Variants in CHRNB2 observed in about 807,000 individuals in gnomAD.
CHRNB2 encodes the protein neuronal acetylcholine receptor subunit beta-2.
Under a neutral mutation model 42.7 loss-of-function variants are expected in CHRNB2, and 33 were observed. The ratio of observed to expected loss-of-function variants is 0.77; its 90% CI spans 0.59 to 1.03. CHRNB2 has a LOEUF of 1.03. CHRNB2 is among the 50% of genes least tolerant of loss of function. The probability of loss-of-function intolerance (pLI) is 0.00; values close to 1 mark genes in which losing one functional copy is unlikely to be tolerated. For missense variants in CHRNB2, 603 were observed against 700.9 expected (o/e 0.86, Z 1.58); for synonymous variants, 325 against 292.9 (o/e 1.11, Z -1.12).
At position 154,575,906 on chromosome 1, in the gene CHRNB2, G is replaced by C; in HGVS notation, c.1483G>C (p.Asp495His). ...CACCACCACCACCTTCCTCCACTCA[G>C]ACCACTCAGCCCCCAGCTCCAAGTG... ...NYTTTTFLHS[D>H]HSAPSSK Residue 495 changes from aspartate (D) to histidine (H), a missense_variant, in exon 6 of 6, where the codon GAC becomes CAC. This residue lies in a region of CHRNB2 where 270 missense variants were observed against 248.3 expected (regional missense o/e 1.09). Coordinates refer to ENST00000368476, the MANE Select transcript of CHRNB2 (RefSeq NM_000748.3). 1 of 1,614,138 alleles carries C rather than the reference G, an allele frequency of 6.2e-7. No individual in the cohort carries two copies. Among genetic ancestry groups the C allele is most frequent in the Non-Finnish European group, 8.5e-7 (1 of 1,180,022 alleles).
intron 5 of CHRNB2, among the ~76,000 whole-genome samples, chr1:154,575,212 G>C (rs1446877057): frequency 2.0e-5 from 3 of 152,200 alleles, no homozygotes; most frequent in Non-Finnish European, 2.9e-5. Flanking sequence ...CCTTGTTTAG[G>C]AACTTGTAGC....
chr1:154,571,046 A>G lies in CHRNB2; in HGVS notation c.366-143A>G, dbSNP rs1265661574. On this transcript the variant is annotated intron_variant, in intron 4 of 5. Transcript: ENST00000368476. This position sits in a 1 kb window ranked among gnomAD's most constrained non-coding sequence, Gnocchi z 6.8. Reference sequence around the variant, plus strand: ...TTCTTGCTCAATTCCACCTCTCTATACTCCTGGATGGTTACTCTCAGATCT... The same window carrying G: ...TTCTTGCTCAATTCCACCTCTCTATGCTCCTGGATGGTTACTCTCAGATCT... 6 of 1,480,408 alleles carry G rather than the reference A, an allele frequency of 4.1e-6. No individual in the cohort carries two copies. In the Admixed American group the frequency reaches 5.2e-5, roughly 13 times the overall value. The allele number at this position is 1,480,408 out of a possible 1,614,324, so 91.7% of individuals were successfully genotyped here. A position where few individuals can be genotyped will look rare whatever the true frequency, so the allele number is the denominator to read the frequency against.
At chr1:154,570,480 G>T in intron 4 of CHRNB2, 113 bp downstream of exon 4, 1 of 723,046 alleles carries the variant, frequency 1.4e-6, no homozygotes, top group Non-Finnish European at 2.5e-6. Flanking sequence ...ACTTATAATA[G>T]ATATGTAGTC....
intron 3 of CHRNB2, 80 bp downstream of exon 3, chr1:154,569,916 A>G (rs1696132428): frequency 1.7e-5 from 26 of 1,533,938 alleles, no homozygotes; most frequent in Non-Finnish European, 2.3e-5. Context: ...TTTCTTTCTT[A>G]ATCTCTCAAA....
At position 154,569,656 on chromosome 1, in the gene CHRNB2, C is replaced by T. The variant is rs745641050; in HGVS notation, c.210+49C>T. ...TGCCCAGCTACTGAAATCAGCCCCGCCAAAATGTGTTAATGCTTGTGTGCT... is the reference window on the plus strand; with the variant it reads ...TGCCCAGCTACTGAAATCAGCCCCGTCAAAATGTGTTAATGCTTGTGTGCT... On this transcript the variant is annotated intron_variant, in intron 2 of 5. Coordinates refer to ENST00000368476, the MANE Select transcript of CHRNB2 (RefSeq NM_000748.3). 6.2e-6 allele frequency: 10 copies of T among 1,613,696 alleles called. No individual in the cohort carries two copies. The East Asian group carries it at 2.2e-4, about 36-fold the overall frequency.
intron 5 of CHRNB2, among the ~76,000 whole-genome samples, chr1:154,572,757 A>G (rs1696202232): frequency 6.6e-6 from 1 of 151,850 alleles, no homozygotes; most frequent in African/African-American, 2.4e-5. Flanking sequence ...GTCCCAGGGG[A>G]TGGCCTCCTG....
rs982906227 is a variant in CHRNB2, at chr1:154,572,077, G to T, written c.1254G>T (p.Glu418Asp). The T allele has an allele frequency of 6.5e-7, 1 of 1,535,762 alleles. No individual in the cohort carries two copies. Among genetic ancestry groups the T allele is most frequent in the Non-Finnish European group, 8.7e-7 (1 of 1,146,310 alleles). The change falls in exon 5 of 6, where the codon GAG becomes GAT. Residue 418 changes from glutamate (E) to aspartate (D), a missense_variant. Physicochemically the swap from Glu to Asp is conservative, Grantham distance 45. This residue lies in a region of CHRNB2 where 270 missense variants were observed against 248.3 expected (regional missense o/e 1.09). Coordinates refer to ENST00000368476, the MANE Select transcript of CHRNB2 (RefSeq NM_000748.3). Reference sequence around the variant, plus strand: ...TGGCGGGCCCCGGGCGCTCAGGGGAGCCGTGTGGCTGTGGCCTCCGGGAGG... The same window carrying T: ...TGGCGGGCCCCGGGCGCTCAGGGGATCCGTGTGGCTGTGGCCTCCGGGAGG... ...APVAGPGRSG[E>D]PCGCGLREAV...
chr1:154,571,465 G>C lies in CHRNB2; in HGVS notation c.642G>C (p.Glu214Asp). Residue 214 changes from glutamate (E) to aspartate (D), a missense_variant, in exon 5 of 6, where the codon GAG becomes GAC. Coordinates refer to ENST00000368476, the MANE Select transcript of CHRNB2 (RefSeq NM_000748.3). This position sits in a 1 kb window ranked among gnomAD's most constrained non-coding sequence, Gnocchi z 6.8. ...TGGCGCTGCCGGGCCGGCGCAACGA[G>C]AACCCCGACGACTCTACGTACGTGG... ...DIVALPGRRN[E>D]NPDDSTYVDI... The C allele has an allele frequency of 6.2e-7, 1 of 1,614,100 alleles. No individual in the cohort carries two copies. Among genetic ancestry groups the C allele is most frequent in the Non-Finnish European group, 8.5e-7 (1 of 1,180,032 alleles).
chr1:154,568,243 G>T (rs1378817414), intron 1 of CHRNB2, 135 bp downstream of exon 1: 3 of 1,101,178 alleles, frequency 2.7e-6, no homozygotes, highest in South Asian at 1.3e-5. Context: ...TCTGCTGGAG[G>T]TTAGGGGAGA....
Position 154,569,596 on chromosome 1 carries a change from C to T in CHRNB2, c.199C>T (p.Leu67Phe). 1 of 1,614,112 alleles carries T rather than the reference C, an allele frequency of 6.2e-7. No individual in the cohort carries two copies. The highest frequency in any genetic ancestry group is 8.5e-7 in the Non-Finnish European group (1 of 1,180,014). Residue 67 changes from leucine (L) to phenylalanine (F), a missense_variant, in exon 2 of 6, where the codon CTC becomes TTC. Leu to Phe is a conservative substitution (Grantham distance 22). Around this residue, in one of 2 missense-constraint regions of CHRNB2, gnomAD observed 333 missense variants for 452.6 expected, o/e 0.74. Coordinates refer to ENST00000368476, the MANE Select transcript of CHRNB2 (RefSeq NM_000748.3). ...TVQLMVSLAQLISVHEREQIM... is the reference protein window; with the variant it reads ...TVQLMVSLAQFISVHEREQIM... ...ACAGCTTATGGTGTCACTGGCCCAG[C>T]TCATCAGTGTGGTGAGTAGAGGTCC...
rs1310995497 is a variant in CHRNB2, at chr1:154,571,749, CCTT to C, written c.929_931del (p.Phe310del). 6.2e-7 allele frequency: 1 copy of C among 1,614,116 alleles called. No individual in the cohort carries two copies. The highest frequency in any genetic ancestry group is 8.5e-7 in the Non-Finnish European group (1 of 1,180,048). On this transcript the variant is annotated inframe_deletion, in exon 5 of 6. Transcript: ENST00000368476. The surrounding 1 kb of genome is among the most constrained non-coding windows in gnomAD (Gnocchi z 6.8). The stretch of plus-strand genomic sequence containing the variant: ...CTCATGTTCACCATGGTGCTTGTCA[CCTT>C]CTCCATCGTCACCAGCGTGTGCGTG...
Position 154,571,183 on chromosome 1 carries a change from T to C in CHRNB2, c.366-6T>C. 1 of 1,614,194 alleles carries C rather than the reference T, an allele frequency of 6.2e-7. No individual in the cohort carries two copies. The highest frequency in any genetic ancestry group is 2.2e-5 in the East Asian group (1 of 44,890). The stretch of plus-strand genomic sequence containing the variant: ...GCCAGGGCTGACTGTGCCCATCCTT[T>C]GGCAGTGCTGACGGCATGTACGAGG... On this transcript the variant is annotated splice_region_variant and splice_polypyrimidine_tract_variant and intron_variant, in intron 4 of 5. Transcript: ENST00000368476. This position sits in a 1 kb window ranked among gnomAD's most constrained non-coding sequence, Gnocchi z 6.8.
rs1290138573 is a variant in CHRNB2, at chr1:154,572,156, C to G, written c.1333C>G (p.Gln445Glu). 2 of 1,537,326 alleles carry G rather than the reference C, an allele frequency of 1.3e-6. No individual in the cohort carries two copies. Among genetic ancestry groups the G allele is most frequent in the East Asian group, 2.4e-5 (1 of 40,860 alleles). Residue 445 changes from glutamine (Q) to glutamate (E), a missense_variant, in exon 5 of 6, where the codon CAG becomes GAG. By Grantham distance (29) the Gln-to-Glu change is conservative. Coordinates refer to ENST00000368476, the MANE Select transcript of CHRNB2 (RefSeq NM_000748.3). ...CCACATGCGGAGCGAGGACGATGAC[C>G]AGAGCGTGAGTGCCGCAGGCTGGGA... ...ADHMRSEDDD[Q>E]SVSEDWKYVA...
chr1:154,574,527 G>T (rs1696235252), intron 5 of CHRNB2, among the ~76,000 whole-genome samples: 1 of 151,810 alleles, frequency 6.6e-6, no homozygotes, highest in African/African-American at 2.4e-5. Flanking sequence ...CTCCGTGTGG[G>T]TTTGTCTGAT....
chr1:154,571,518 G>A lies in CHRNB2; in HGVS notation c.695G>A (p.Arg232His), dbSNP rs79646221. The change falls in exon 5 of 6, where the codon CGC becomes CAC. Residue 232 changes from arginine (R) to histidine (H), a missense_variant. Physicochemically the swap from Arg to His is conservative, Grantham distance 29 (BLOSUM62 0). This residue lies in a region of CHRNB2 where 333 missense variants were observed against 452.6 expected (regional missense o/e 0.74). Coordinates refer to ENST00000368476, the MANE Select transcript of CHRNB2 (RefSeq NM_000748.3). This position sits in a 1 kb window ranked among gnomAD's most constrained non-coding sequence, Gnocchi z 6.8. ...ATCACGTATGACTTCATCATTCGCCGCAAGCCGCTCTTCTACACCATCAAC... is the reference window on the plus strand; with the variant it reads ...ATCACGTATGACTTCATCATTCGCCACAAGCCGCTCTTCTACACCATCAAC... The part of the protein sequence containing the change: ...VDITYDFIIR[R>H]KPLFYTINLI... The A allele has an allele frequency of 2.5e-5, 41 of 1,613,642 alleles. No homozygotes were observed. The highest frequency in any genetic ancestry group is 9.4e-5 in the African/African-American group (7 of 74,860).
At chr1:154,569,376 G>A (rs1326255609) in intron 1 of CHRNB2, 86 bp from the exon 2 acceptor site, 3 of 1,541,060 alleles carry the variant, frequency 1.9e-6, no homozygotes, top group South Asian at 1.2e-5. Flanking sequence ...GGTTGGGCCT[G>A]GATTGTCCCA....
chr1:154,570,198 C>A, intron 3 of CHRNB2, 60 bp from the exon 4 acceptor site: 1 of 1,201,610 alleles, frequency 8.3e-7, no homozygotes, highest in Non-Finnish European at 1.2e-6. Context: ...AGTTCGTTTC[C>A]TTAACCTTGA....
In CHRNB2 at chr1:154,574,111, G is replaced by T. The variant is rs1406536979; in HGVS notation, c.1339-1651G>T. Among the ~76,000 whole-genome samples the T allele has an allele frequency of 4.6e-5, 7 of 152,140 alleles. No homozygotes were observed. In the East Asian group the frequency reaches 1.3e-3, roughly 29 times the overall value. ...TGGCCTCAGGACCTTTGCACACATG[G>T]GTCCCTCTGCCTGGGATGCCCTTTT... is the stretch of plus-strand genomic sequence containing the variant. On this transcript the variant is annotated intron_variant, in intron 5 of 5. Coordinates refer to ENST00000368476, the MANE Select transcript of CHRNB2 (RefSeq NM_000748.3).
intron 5 of CHRNB2, among the ~76,000 whole-genome samples, chr1:154,573,402 T>C (rs1696213192): frequency 6.6e-6 from 1 of 152,162 alleles, no homozygotes; most frequent in African/African-American, 2.4e-5. Context: ...ACCAACTTGC[T>C]CCTCCACCAG....
Sources: gnomAD v4.1 joint callset for allele counts (sites outside exome capture counted in the v4.1 genomes callset) on GRCh38, gnomAD v4.1.1 for gene constraint, gnomAD v4.1.1 regional missense constraint, Gnocchi (gnomAD v3.1) non-coding constraint, MANE v1.5 for transcripts, NCBI Gene and HGNC (gene_info 2026-07-23, HGNC 2026-07-21) for gene names.